The following SSBP2 variants were observed in gnomAD, a reference collection of about 807,000 sequenced individuals.
SSBP2 encodes the protein single stranded DNA binding protein 2.
In SSBP2, 17 loss-of-function variants were observed where a neutral mutation model predicts 61.8. The observed-to-expected ratio is 0.28, with a 90% CI of 0.19 to 0.41. The LOEUF (loss-of-function observed/expected upper bound fraction) is 0.41. SSBP2 is among the 10% of genes least tolerant of loss of function. The pLI is 1.00. For synonymous variants in SSBP2, 139 were observed against 141.3 expected (o/e 0.98, Z 0.12); for missense variants, 310 against 458.7 (o/e 0.68, Z 2.96).
chr5:81,632,017 CTACTTAT>C lies in SSBP2; in HGVS notation c.197+4533_197+4539del, dbSNP rs1014153506. On this transcript the variant is annotated intron_variant, in intron 3 of 16. Coordinates refer to ENST00000320672, the MANE Select transcript of SSBP2 (RefSeq NM_012446.5). ...AATTGGGAAGATAGAGGGGAAACCT[CTACTTAT>C]AAGTAATGGAAATATTTGCAGAAAG... Among the ~76,000 whole-genome samples, 15 of 152,230 alleles carry C rather than the reference CTACTTAT, an allele frequency of 9.9e-5. No individual in the cohort carries two copies. In the East Asian group the frequency reaches 2.1e-3, roughly 22 times the overall value.
At chr5:81,630,453 A>G (rs1286212020) in intron 3 of SSBP2, among the ~76,000 whole-genome samples, 1 of 152,228 alleles carries the variant, frequency 6.6e-6, no homozygotes, top group Non-Finnish European at 1.5e-5. Flanking sequence ...CAAAACTATT[A>G]AGAATCATTG....
At chr5:81,655,680 C>T (rs544825627) in intron 1 of SSBP2, among the ~76,000 whole-genome samples, 2 of 152,278 alleles carry the variant, frequency 1.3e-5, no homozygotes, top group Admixed American at 6.5e-5. Flanking sequence ...ATGGGAAGAA[C>T]ACAGAGAAAA....
rs924547427 is a variant in SSBP2 at position 81,438,437 on chromosome 5, A to C, written c.929-979T>G. Reference sequence around the variant, plus strand: ...CCACAATATTAACTTTATTTTAAACAATTTAACTTCTGACAATTAATTTTC... The same window carrying C: ...CCACAATATTAACTTTATTTTAAACCATTTAACTTCTGACAATTAATTTTC... On this transcript the variant is annotated intron_variant, in intron 14 of 16. Coordinates refer to ENST00000320672, the MANE Select transcript of SSBP2 (RefSeq NM_012446.5). Among the ~76,000 whole-genome samples the C allele has an allele frequency of 4.6e-5, 7 of 152,276 alleles. No individual in the cohort carries two copies. In the East Asian group the frequency reaches 1.3e-3, roughly 29 times the overall value.
At chr5:81,504,730 T>C (rs72773020) in intron 5 of SSBP2, among the ~76,000 whole-genome samples, 14,608 of 152,254 alleles carry the variant, frequency 0.096, 710 homozygotes, top group African/African-American at 0.11. Flanking sequence ...TTATTTATTT[T>C]GCTCAGTTTC....
chr5:81,448,122 C>T lies in SSBP2; in HGVS notation c.723+668G>A, dbSNP rs538473309. On this transcript the variant is annotated intron_variant, in intron 11 of 16. Transcript: ENST00000320672. ...CCTTGTTTCTCTGTTAGGTGTTTCC[C>T]TCTAAATGGTGTAACGTATTTTCCT... The T allele has an allele frequency of 7.2e-5, 11 of 152,190 alleles. No individual in the cohort carries two copies. The East Asian group carries it at 2.1e-3, about 29-fold the overall frequency. 9.4% of individuals were successfully genotyped at this position (152,190 alleles called of 1,614,324 possible).
At chr5:81,561,333 A>G (rs1773027746) in intron 4 of SSBP2, among the ~76,000 whole-genome samples, 1 of 152,176 alleles carries the variant, frequency 6.6e-6, no homozygotes, top group Non-Finnish European at 1.5e-5. Context: ...AAATGTGGCT[A>G]TTAAGTATCT....
intron 1 of SSBP2, among the ~76,000 whole-genome samples, chr5:81,680,422 C>G (rs402390): frequency 0.75 from 112,957 of 149,958 alleles, 44,189 homozygotes; most frequent in African/African-American, 0.94. Context: ...AAACTAATGC[C>G]ATCACATTAA....
At chr5:81,723,677 T>C (rs903737632) in intron 1 of SSBP2, among the ~76,000 whole-genome samples, 1 of 152,052 alleles carries the variant, frequency 6.6e-6, no homozygotes, top group Non-Finnish European at 1.5e-5. Flanking sequence ...TTCTGAGTCA[T>C]CATTACTTAC....
chr5:81,564,660 G>A (rs1438770341), intron 4 of SSBP2, among the ~76,000 whole-genome samples: 2 of 152,146 alleles, frequency 1.3e-5, no homozygotes, highest in Non-Finnish European at 2.9e-5. Context: ...TGATGTTTTA[G>A]CTAAAAATTC....
At chr5:81,433,298 A>G (rs369700913) in intron 15 of SSBP2, among the ~76,000 whole-genome samples, 5 of 152,192 alleles carry the variant, frequency 3.3e-5, no homozygotes, top group South Asian at 4.1e-4. Context: ...CTGTTGATCT[A>G]TGACCTTACC....
chr5:81,476,919 T>C (rs541243948), intron 6 of SSBP2, among the ~76,000 whole-genome samples: 1 of 152,310 alleles, frequency 6.6e-6, no homozygotes, highest in East Asian at 1.9e-4. Context: ...TGGGTTGTAA[T>C]CTATTACTAT....
At chr5:81,495,778 A>T (rs1767229029) in intron 5 of SSBP2, among the ~76,000 whole-genome samples, 1 of 152,108 alleles carries the variant, frequency 6.6e-6, no homozygotes, top group Admixed American at 6.5e-5. Flanking sequence ...CTTATATCTC[A>T]TTATATCTCA....
intron 10 of SSBP2, among the ~76,000 whole-genome samples, chr5:81,459,254 A>G (rs1053641051): frequency 2.0e-5 from 3 of 152,214 alleles, no homozygotes; most frequent in African/African-American, 7.2e-5. Flanking sequence ...AAAAGTCATC[A>G]GAACACAGAG....
chr5:81,504,482 A>G (rs896264139), intron 5 of SSBP2, among the ~76,000 whole-genome samples: 2 of 152,162 alleles, frequency 1.3e-5, no homozygotes, highest in African/African-American at 4.8e-5. Flanking sequence ...CTAAACAGTC[A>G]TGCTTTGAAC....
intron 10 of SSBP2, among the ~76,000 whole-genome samples, chr5:81,451,723 T>C (rs535573547): frequency 3.0e-4 from 45 of 152,384 alleles, no homozygotes; most frequent in Admixed American, 6.5e-5. Flanking sequence ...CCACTGTGCC[T>C]GGCCTCCTTT....
rs116766106 is a variant in SSBP2 at position 81,499,187 on chromosome 5, C to T, written c.373-9878G>A. Among the ~76,000 whole-genome samples the T allele has an allele frequency of 3.8e-3, 580 of 152,290 alleles. 6 individuals are homozygous for T. The highest frequency in any genetic ancestry group is 0.013 in the African/African-American group (545 of 41,566). ...ATAAGTATGCAGTTTATCTCCCATA[C>T]ATCTTAGATATTCTATCATCAACAC... On this transcript the variant is annotated intron_variant, in intron 5 of 16. Coordinates refer to ENST00000320672, the MANE Select transcript of SSBP2 (RefSeq NM_012446.5).
At chr5:81,447,502 T>C (rs189229836) in intron 11 of SSBP2, among the ~76,000 whole-genome samples, 114 of 152,324 alleles carry the variant, frequency 7.5e-4, no homozygotes, top group African/African-American at 2.5e-3. Context: ...GAAATGGCGA[T>C]TAGGTAATTC....
intron 4 of SSBP2, among the ~76,000 whole-genome samples, chr5:81,525,525 A>G (rs1352974600): frequency 6.6e-6 from 1 of 151,978 alleles, no homozygotes; most frequent in East Asian, 1.9e-4. Flanking sequence ...ATTAATTCTA[A>G]GGGACTGTAT....
chr5:81,702,297 G>A (rs1754044102), intron 1 of SSBP2, among the ~76,000 whole-genome samples: 1 of 152,168 alleles, frequency 6.6e-6, no homozygotes, highest in Non-Finnish European at 1.5e-5. Context: ...CTTGAACCCA[G>A]GAGTCAGAGG....
Sources: allele counts gnomAD v4.1 joint callset (sites outside exome capture counted in the v4.1 genomes callset), GRCh38; gene constraint gnomAD v4.1.1; transcripts MANE v1.5; gene names NCBI Gene and HGNC (gene_info 2026-07-23, HGNC 2026-07-21).